Variants in PTPRO observed in about 807,000 individuals in gnomAD.
PTPRO encodes protein tyrosine phosphatase receptor type O.
PTPRO carries 62 observed loss-of-function variants against 145.2 expected under a neutral mutation model. That is an observed-to-expected ratio of 0.43 (90% CI 0.35 to 0.53). The LOEUF (loss-of-function observed/expected upper bound fraction) is 0.53. Ranked by LOEUF, PTPRO falls within the 20% of genes least tolerant of loss-of-function variation. The pLI is 0.01. For missense variants in PTPRO, 1,345 were observed against 1,482.7 expected, an observed-to-expected ratio of 0.91 and a Z score of 1.53; for synonymous variants, 565 against 514.7, an observed-to-expected ratio of 1.10 and a Z score of -1.32.
At chr12:15,475,682 C>T (rs770577330) in intron 1 of PTPRO, among the ~76,000 whole-genome samples, 22 of 151,938 alleles carry the variant, frequency 1.4e-4, no homozygotes, top group African/African-American at 2.7e-4. Flanking sequence ...CATCAGCTCT[C>T]GGTGAATTTG....
chr12:15,540,636 T>C (rs968514234), intron 12 of PTPRO, among the ~76,000 whole-genome samples: 3 of 152,218 alleles, frequency 2.0e-5, no homozygotes, highest in African/African-American at 7.2e-5. Context: ...ACACATTACA[T>C]TCTGCTCCTA....
intron 1 of PTPRO, among the ~76,000 whole-genome samples, chr12:15,462,786 A>G (rs1284106861): frequency 6.6e-6 from 1 of 152,118 alleles, no homozygotes. Context: ...AGCTATTACA[A>G]TTGTTATTAT....
intron 1 of PTPRO, among the ~76,000 whole-genome samples, chr12:15,356,045 G>A (rs1339959714): frequency 1.3e-5 from 2 of 152,186 alleles, no homozygotes; most frequent in South Asian, 2.1e-4. Context: ...GGGCAAAAAT[G>A]TTGCTCAGAG....
intron 1 of PTPRO, among the ~76,000 whole-genome samples, chr12:15,420,095 G>A (rs1331856732): frequency 6.9e-6 from 1 of 144,016 alleles, no homozygotes; most frequent in Non-Finnish European, 1.5e-5. Flanking sequence ...TGCAGTGAGC[G>A]GAGATCGCAC....
Position 15,322,622 on chromosome 12 carries a change from C to T in PTPRO, c.-105C>T. ...GCAGCATGCGCTCGCCAGGAGCAACCTCGGCGCCCAGGGTCTGAGGCTGCA... is the reference window on the plus strand; with the variant it reads ...GCAGCATGCGCTCGCCAGGAGCAACTTCGGCGCCCAGGGTCTGAGGCTGCA... On this transcript the variant is annotated 5_prime_UTR_variant, in exon 1 of 27. Coordinates refer to ENST00000281171, the MANE Select transcript of PTPRO (RefSeq NM_030667.3). The surrounding 1 kb of genome is among the most constrained non-coding windows in gnomAD (Gnocchi z 6.3). 1.0e-6 allele frequency: 1 copy of T among 991,026 alleles called. No individual in the cohort carries two copies. Among genetic ancestry groups the T allele is most frequent in the Non-Finnish European group, 1.6e-6 (1 of 637,840 alleles). 61.4% of individuals were successfully genotyped at this position (991,026 alleles called of 1,614,324 possible). A position where few individuals can be genotyped will look rare whatever the true frequency, so the allele number is the denominator to read the frequency against.
intron 12 of PTPRO, among the ~76,000 whole-genome samples, chr12:15,527,872 G>A (rs1378229063): frequency 1.9e-5 from 2 of 105,478 alleles, no homozygotes; most frequent in Non-Finnish European, 4.0e-5. Flanking sequence ...ACAGGGAACT[G>A]TGACCCGCCC....
At chr12:15,555,393 G>A (rs778881157) in intron 15 of PTPRO, among the ~76,000 whole-genome samples, 6 of 152,166 alleles carry the variant, frequency 3.9e-5, no homozygotes, top group South Asian at 2.1e-4. Context: ...ATAACAGTAA[G>A]CGACTGACAA....
intron 1 of PTPRO, among the ~76,000 whole-genome samples, chr12:15,423,199 C>T (rs1199294658): frequency 1.3e-5 from 2 of 152,152 alleles, no homozygotes; most frequent in Non-Finnish European, 2.9e-5. Flanking sequence ...TTGCTGCAAA[C>T]CTCCCATAAA....
chr12:15,572,367 A>G (rs1337330165), intron 19 of PTPRO, among the ~76,000 whole-genome samples: 1 of 152,234 alleles, frequency 6.6e-6, no homozygotes, highest in South Asian at 2.1e-4. Flanking sequence ...ATAGTATAGT[A>G]TATACTTCCT....
intron 4 of PTPRO, among the ~76,000 whole-genome samples, chr12:15,500,878 C>A (rs549383395): frequency 6.6e-6 from 1 of 152,130 alleles, no homozygotes. Context: ...GCCGAGACCA[C>A]GTCATTGCAC....
At chr12:15,491,714 G>A (rs1942002518) in intron 2 of PTPRO, among the ~76,000 whole-genome samples, 2 of 152,164 alleles carry the variant, frequency 1.3e-5, no homozygotes, top group African/African-American at 2.4e-5. Flanking sequence ...AAGAAAAGCA[G>A]AAGCACATTT....
chr12:15,526,612 C>A (rs1280687363), intron 12 of PTPRO, among the ~76,000 whole-genome samples: 1 of 152,040 alleles, frequency 6.6e-6, no homozygotes, highest in Non-Finnish European at 1.5e-5. Context: ...ATGTAATGCT[C>A]TCTTTAATAT....
intron 1 of PTPRO, among the ~76,000 whole-genome samples, chr12:15,452,861 A>G (rs1941081278): frequency 6.6e-6 from 1 of 152,110 alleles, no homozygotes. Flanking sequence ...GAAACATAAT[A>G]GGTGCAACAC....
chr12:15,414,456 G>A (rs1049708235), intron 1 of PTPRO, among the ~76,000 whole-genome samples: 5 of 152,212 alleles, frequency 3.3e-5, no homozygotes, highest in South Asian at 4.1e-4. Flanking sequence ...GGCACTAAAC[G>A]TCTTTTTTTC....
At chr12:15,327,291 C>T (rs1448554142) in intron 1 of PTPRO, among the ~76,000 whole-genome samples, 7 of 152,156 alleles carry the variant, frequency 4.6e-5, no homozygotes, top group South Asian at 4.1e-4. Context: ...TGTTACCTCA[C>T]CTCTGTTTAA....
intron 7 of PTPRO, among the ~76,000 whole-genome samples, chr12:15,513,199 A>T (rs1406863882): frequency 8.2e-6 from 1 of 121,854 alleles, no homozygotes; most frequent in Non-Finnish European, 1.7e-5. Context: ...GAAAGAAAGA[A>T]AGAAAGAAAG....
intron 21 of PTPRO, 136 bp downstream of exon 21, chr12:15,580,251 A>G (rs1353044160): frequency 5.7e-6 from 4 of 699,500 alleles, no homozygotes; most frequent in Non-Finnish European, 9.9e-6. Flanking sequence ...AGTTTGCATT[A>G]CTCCGTTTCA....
At chr12:15,505,152 A>G (rs1942296547) in intron 6 of PTPRO, among the ~76,000 whole-genome samples, 1 of 152,212 alleles carries the variant, frequency 6.6e-6, no homozygotes, top group Admixed American at 6.5e-5. Context: ...ACCAGTACAG[A>G]TCCACCGCAC....
intron 25 of PTPRO, among the ~76,000 whole-genome samples, chr12:15,590,157 C>CT (rs1944516225): frequency 6.6e-6 from 1 of 152,198 alleles, no homozygotes; most frequent in African/African-American, 2.4e-5. Context: ...GAAGCATCCC[C>CT]TGAAATATCC....
Sources: allele counts gnomAD v4.1 joint callset (sites outside exome capture counted in the v4.1 genomes callset), GRCh38; gene constraint gnomAD v4.1.1; non-coding constraint Gnocchi (gnomAD v3.1); transcripts MANE v1.5; gene names NCBI Gene and HGNC (gene_info 2026-07-23, HGNC 2026-07-21).